Variants in TNFRSF11A observed in about 807,000 individuals in gnomAD.
TNFRSF11A encodes the protein tumor necrosis factor receptor superfamily member 11A.
TNFRSF11A carries 32 observed loss-of-function variants against 55.7 expected under a neutral mutation model. The ratio of observed to expected loss-of-function variants is 0.57; its 90% CI spans 0.43 to 0.77. TNFRSF11A has a LOEUF of 0.77. Among genes scored for constraint, TNFRSF11A ranks in the 30% least tolerant of loss-of-function variants. The pLI is 0.00. For missense variants in TNFRSF11A, 753 were observed against 809.8 expected, an observed-to-expected ratio of 0.93 and a Z score of 0.85; for synonymous variants, 311 against 331.0, an observed-to-expected ratio of 0.94 and a Z score of 0.65.
At chr18:62,358,081 G>C (rs1395457218) in intron 4 of TNFRSF11A, 167 bp from the exon 5 acceptor site, 2 of 651,582 alleles carry the variant, frequency 3.1e-6, no homozygotes, top group African/African-American at 3.6e-5. Context: ...GCCTGTGGGA[G>C]CTGAAGAAGT....
intron 1 of TNFRSF11A, chr18:62,330,909 T>TA (rs1244604185): frequency 2.6e-5 from 4 of 152,252 alleles, no homozygotes; most frequent in East Asian, 1.9e-4. Flanking sequence ...ACTTAACTAG[T>TA]AAAAAAATAA....
intron 9 of TNFRSF11A, among the ~76,000 whole-genome samples, chr18:62,376,750 G>C (rs893314321): frequency 2.0e-5 from 3 of 152,088 alleles, no homozygotes; most frequent in Admixed American, 6.5e-5. Flanking sequence ...TCCTCTCTCT[G>C]AACTTCTGGC....
rs1024650628 is a variant in TNFRSF11A at position 62,385,004 on chromosome 18, G to A, written c.1821G>A (p.Pro607=). The part of the protein sequence containing the change: ...GLREPEKASR[P]VQEQGGAKA ...GGGAGCCGGAGAAGGCCTCGAGGCC[G>A]GTGCAGGAGCAAGGCGGGGCCAAGG... The change falls in exon 10 of 10, where the codon CCG becomes CCA. Residue 607 remains proline, a synonymous_variant. Coordinates refer to ENST00000586569, the MANE Select transcript of TNFRSF11A (RefSeq NM_003839.4). 8.1e-6 allele frequency: 12 copies of A among 1,477,018 alleles called. No homozygotes were observed. In the African/African-American group the frequency reaches 1.6e-4, roughly 20 times the overall value. 91.5% of individuals were successfully genotyped at this position (1,477,018 alleles called of 1,614,324 possible).
intron 3 of TNFRSF11A, among the ~76,000 whole-genome samples, chr18:62,352,715 GA>G (rs1283263348): frequency 6.6e-6 from 1 of 152,202 alleles, no homozygotes; most frequent in Non-Finnish European, 1.5e-5. Context: ...ATGTGTTGTG[GA>G]CATGTTTTTG....
chr18:62,337,751 T>C (rs1455072000), intron 1 of TNFRSF11A, among the ~76,000 whole-genome samples: 1 of 152,216 alleles, frequency 6.6e-6, no homozygotes, highest in Non-Finnish European at 1.5e-5. Flanking sequence ...CTTATCTGTT[T>C]ACTTATAGTT....
intron 4 of TNFRSF11A, among the ~76,000 whole-genome samples, chr18:62,356,832 T>A (rs11665260): frequency 0.19 from 29,382 of 152,146 alleles, 3,773 homozygotes; most frequent in Non-Finnish European, 0.27. Flanking sequence ...AGTGTGATTA[T>A]GAAAGGGAGC....
At chr18:62,363,348 A>G (rs184887931) in intron 7 of TNFRSF11A, among the ~76,000 whole-genome samples, 1 of 148,904 alleles carries the variant, frequency 6.7e-6, no homozygotes, top group East Asian at 2.0e-4. Context: ...GCAGTGAGCA[A>G]TGTTTGAGTG....
chr18:62,342,941 G>T (rs2046334422), intron 1 of TNFRSF11A, among the ~76,000 whole-genome samples: 1 of 152,188 alleles, frequency 6.6e-6, no homozygotes, highest in African/African-American at 2.4e-5. Flanking sequence ...ATTCCTTAGG[G>T]TAAGATTGTC....
At position 62,385,275 on chromosome 18, in the gene TNFRSF11A, C is replaced by CCA. The variant is rs1256006847; in HGVS notation, c.*243_*244dup. 2.4e-6 allele frequency: 1 copy of CCA among 424,080 alleles called. No individual in the cohort carries two copies. The highest frequency in any genetic ancestry group is 4.1e-6 in the Non-Finnish European group (1 of 244,330). The allele number at this position is 424,080 out of a possible 1,614,324, so 26.3% of individuals were successfully genotyped here. ...CGCACTGGGGCAGATGTCTCCCCTG[C>CCA]CACTCCTCAAACTCGCAGCAGTAAT... On this transcript the variant is annotated 3_prime_UTR_variant, in exon 10 of 10. Coordinates refer to ENST00000586569, the MANE Select transcript of TNFRSF11A (RefSeq NM_003839.4).
chr18:62,357,345 G>C (rs1361341533), intron 4 of TNFRSF11A, among the ~76,000 whole-genome samples: 1 of 152,150 alleles, frequency 6.6e-6, no homozygotes, highest in Non-Finnish European at 1.5e-5. Flanking sequence ...GCAGTAGAGG[G>C]AATAGGCATA....
intron 4 of TNFRSF11A, among the ~76,000 whole-genome samples, chr18:62,355,116 CAT>C (rs1229424370): frequency 6.6e-6 from 1 of 152,170 alleles, no homozygotes; most frequent in Non-Finnish European, 1.5e-5. Flanking sequence ...GGACAGTTTA[CAT>C]AGTTACTTTC....
At chr18:62,358,377 G>A in intron 5 of TNFRSF11A, 36 bp downstream of exon 5, 2 of 1,585,620 alleles carry the variant, frequency 1.3e-6, no homozygotes, top group Non-Finnish European at 1.7e-6. Flanking sequence ...GAGATGGTTG[G>A]TTTTTAAACA....
At chr18:62,328,659 G>A (rs2046108591) in intron 1 of TNFRSF11A, among the ~76,000 whole-genome samples, 1 of 152,180 alleles carries the variant, frequency 6.6e-6, no homozygotes, top group South Asian at 2.1e-4. Flanking sequence ...GTCATAGGGT[G>A]GGTGGGTGCT....
chr18:62,340,647 G>A (rs541508906), intron 1 of TNFRSF11A, among the ~76,000 whole-genome samples: 1 of 151,938 alleles, frequency 6.6e-6, no homozygotes, highest in Non-Finnish European at 1.5e-5. Flanking sequence ...CAAGAGCTAT[G>A]TGTAAAATAT....
In TNFRSF11A at chr18:62,383,978, C is replaced by T. The variant is rs937647840; in HGVS notation, c.1568-773C>T. 6.6e-6 allele frequency among the ~76,000 whole-genome samples: 1 copy of T among 151,934 alleles called. No individual in the cohort carries two copies. The highest frequency in any genetic ancestry group is 1.9e-4 in the East Asian group (1 of 5,182). On this transcript the variant is annotated intron_variant, in intron 9 of 9. Transcript: ENST00000586569. This position sits in a 1 kb window ranked among gnomAD's most constrained non-coding sequence, Gnocchi z 4.2. ...ACCAAGGCACCCACGGTGATGGGGCCTCAGATGTGAGTCCAGAGAGGAGAG... is the reference window on the plus strand; with the variant it reads ...ACCAAGGCACCCACGGTGATGGGGCTTCAGATGTGAGTCCAGAGAGGAGAG...
intron 4 of TNFRSF11A, chr18:62,357,905 G>A (rs1186568311): frequency 3.3e-6 from 1 of 300,798 alleles, no homozygotes; most frequent in African/African-American, 2.1e-5. Context: ...AGGAAACAAA[G>A]TGTCGGTGAC....
chr18:62,356,731 A>G (rs1341906136), intron 4 of TNFRSF11A, among the ~76,000 whole-genome samples: 3 of 152,194 alleles, frequency 2.0e-5, no homozygotes, highest in Admixed American at 6.5e-5. Flanking sequence ...CCCAATGTCC[A>G]CTTGTCACCT....
At chr18:62,330,207 A>G (rs1395880143) in intron 1 of TNFRSF11A, among the ~76,000 whole-genome samples, 3 of 152,088 alleles carry the variant, frequency 2.0e-5, no homozygotes, top group African/African-American at 7.2e-5. Flanking sequence ...CAGATGATTA[A>G]AAGACAGCAG....
At chr18:62,354,765 C>T (rs1909130315) in intron 4 of TNFRSF11A, among the ~76,000 whole-genome samples, 1 of 152,194 alleles carries the variant, frequency 6.6e-6, no homozygotes, top group Non-Finnish European at 1.5e-5. Context: ...AATTTGCCTA[C>T]ATGCTCTGGC....
Sources: allele counts gnomAD v4.1 joint callset (sites outside exome capture counted in the v4.1 genomes callset), GRCh38; gene constraint gnomAD v4.1.1; non-coding constraint Gnocchi (gnomAD v3.1); transcripts MANE v1.5; gene names NCBI Gene and HGNC (gene_info 2026-07-23, HGNC 2026-07-21).